ATP6V1H: variants seen among roughly 807,000 people sequenced by gnomAD.
The protein encoded by ATP6V1H is V-type proton ATPase subunit H.
A neutral mutation model predicts 71.7 loss-of-function variants in ATP6V1H; 39 were observed. That is an observed-to-expected ratio of 0.54 (90% confidence interval 0.42 to 0.71). The LOEUF is 0.71. Ranked by LOEUF, ATP6V1H falls within the 30% of genes least tolerant of loss-of-function variation. The pLI is 0.00. For missense variants in ATP6V1H, 509 were observed against 594.9 expected (o/e 0.86, Z 1.50); for synonymous variants, 192 against 199.3 (o/e 0.96, Z 0.31).
chr8:53,719,017 G>C (rs1469138635), intron 13 of ATP6V1H, among the ~76,000 whole-genome samples: 2 of 152,170 alleles, frequency 1.3e-5, no homozygotes, highest in Non-Finnish European at 2.9e-5. Flanking sequence ...TCTTGAAATT[G>C]TTGTTTGTTA....
chr8:53,786,315 G>A (rs1042806170), intron 9 of ATP6V1H, among the ~76,000 whole-genome samples: 19 of 152,294 alleles, frequency 1.2e-4, no homozygotes, highest in Admixed American at 7.2e-4. Flanking sequence ...TCGAGCCTCC[G>A]TGGGCACAGG....
chr8:53,794,078 G>C (rs932924851), intron 9 of ATP6V1H, among the ~76,000 whole-genome samples: 2 of 151,402 alleles, frequency 1.3e-5, no homozygotes, highest in African/African-American at 4.9e-5. Flanking sequence ...GCCATCAATA[G>C]AGCACTGGTT....
At chr8:53,819,987 C>T (rs1451842911) in intron 4 of ATP6V1H, among the ~76,000 whole-genome samples, 1 of 151,620 alleles carries the variant, frequency 6.6e-6, no homozygotes, top group Non-Finnish European at 1.5e-5. Flanking sequence ...GATAACAAGA[C>T]AGAGAATACA....
intron 12 of ATP6V1H, among the ~76,000 whole-genome samples, chr8:53,752,926 A>C (rs574067422): frequency 2.0e-5 from 3 of 152,210 alleles, no homozygotes; most frequent in Non-Finnish European, 4.4e-5. Flanking sequence ...CCAATACTTG[A>C]CATGAAAGAA....
At chr8:53,778,985 T>G (rs1808996455) in intron 9 of ATP6V1H, among the ~76,000 whole-genome samples, 1 of 152,154 alleles carries the variant, frequency 6.6e-6, no homozygotes, top group South Asian at 2.1e-4. Flanking sequence ...TGATACAAAG[T>G]CCAGTTCATC....
Position 53,813,217 on chromosome 8 carries a change from C to T in ATP6V1H, c.525+1445G>A, listed in dbSNP as rs190561915. ...CTCTTGTAAAAACGCTTTTTAAAACCGAGCCCCAAACCAGTTAAAATTGAT... is the reference window on the plus strand; with the variant it reads ...CTCTTGTAAAAACGCTTTTTAAAACTGAGCCCCAAACCAGTTAAAATTGAT... On this transcript the variant is annotated intron_variant, in intron 6 of 13. Transcript: ENST00000359530. 2.2e-3 allele frequency among the ~76,000 whole-genome samples: 337 copies of T among 152,048 alleles called. 2 individuals carry two copies. The highest frequency in any genetic ancestry group is 7.9e-3 in the African/African-American group (326 of 41,474).
At chr8:53,761,044 T>C (rs909786000) in intron 11 of ATP6V1H, among the ~76,000 whole-genome samples, 5 of 151,802 alleles carry the variant, frequency 3.3e-5, no homozygotes, top group African/African-American at 1.2e-4. Context: ...AAAAGAAAAA[T>C]ACCATATACT....
intron 4 of ATP6V1H, among the ~76,000 whole-genome samples, chr8:53,826,503 C>T (rs1420638100): frequency 1.3e-5 from 2 of 151,806 alleles, no homozygotes; most frequent in Non-Finnish European, 2.9e-5. Flanking sequence ...TATGAACTGA[C>T]ACGTAATGAT....
chr8:53,760,489 T>C (rs1430022411), intron 11 of ATP6V1H, among the ~76,000 whole-genome samples: 4 of 152,228 alleles, frequency 2.6e-5, no homozygotes, highest in Non-Finnish European at 5.9e-5. Flanking sequence ...TCCCAAGTCA[T>C]CCACTTGGCC....
At chr8:53,771,380 A>AAAGAAC (rs1431133391) in intron 10 of ATP6V1H, among the ~76,000 whole-genome samples, 6 of 152,204 alleles carry the variant, frequency 3.9e-5, no homozygotes, top group Admixed American at 3.9e-4. Flanking sequence ...CGAAACAGAA[A>AAAGAAC]AAGAACAAGA....
At chr8:53,833,194 G>A in intron 2 of ATP6V1H, 108 bp from the exon 3 acceptor site, 2 of 770,266 alleles carry the variant, frequency 2.6e-6, no homozygotes, top group Non-Finnish European at 4.3e-6. Context: ...AACCACAAGG[G>A]CTGACGCAAG....
chr8:53,811,231 A>C lies in ATP6V1H; in HGVS notation c.526-14T>G. ...ACCACGCAGTTTCTATTACGAAATA[A>C]ATAACTCATTATTTAGTTTTGTTTT... On this transcript the variant is annotated splice_polypyrimidine_tract_variant and intron_variant, in intron 6 of 13. Coordinates refer to ENST00000359530, the MANE Select transcript of ATP6V1H (RefSeq NM_015941.4). 3.7e-6 allele frequency: 6 copies of C among 1,611,060 alleles called. No homozygotes were observed. The highest frequency in any genetic ancestry group is 5.1e-6 in the Non-Finnish European group (6 of 1,177,532).
intron 9 of ATP6V1H, among the ~76,000 whole-genome samples, chr8:53,792,783 T>C (rs1809608714): frequency 6.6e-6 from 1 of 152,196 alleles, no homozygotes; most frequent in African/African-American, 2.4e-5. Flanking sequence ...AGGCAATGCA[T>C]AAAAATTACT....
chr8:53,767,022 G>A (rs999963256), intron 11 of ATP6V1H, among the ~76,000 whole-genome samples: 1 of 152,100 alleles, frequency 6.6e-6, no homozygotes, highest in African/African-American at 2.4e-5. Flanking sequence ...AAACTTGCTG[G>A]TTTTTGTGGC....
chr8:53,784,186 G>A (rs1256492314), intron 9 of ATP6V1H, among the ~76,000 whole-genome samples: 1 of 152,192 alleles, frequency 6.6e-6, no homozygotes, highest in Non-Finnish European at 1.5e-5. Flanking sequence ...AAGTCTCTTT[G>A]TAGGTCACTA....
At chr8:53,812,584 C>T (rs1332685453) in intron 6 of ATP6V1H, among the ~76,000 whole-genome samples, 3 of 152,190 alleles carry the variant, frequency 2.0e-5, no homozygotes, top group Non-Finnish European at 4.4e-5. Flanking sequence ...TAGCACGCCA[C>T]GGCATCCATT....
In ATP6V1H at chr8:53,785,118, T is replaced by C. The variant is rs569907880; in HGVS notation, c.870+10529A>G. Among the ~76,000 whole-genome samples, 4 of 152,288 alleles carry C rather than the reference T, an allele frequency of 2.6e-5. No individual in the cohort carries two copies. In the South Asian group the frequency reaches 6.2e-4, roughly 24 times the overall value. ...AGATTGGGGAAGTTCTCCTGGATAA[T>C]ATCCTGCAGAGTGTTTTCCAACTTG... On this transcript the variant is annotated intron_variant, in intron 9 of 13. Coordinates refer to ENST00000359530, the MANE Select transcript of ATP6V1H (RefSeq NM_015941.4).
In ATP6V1H at chr8:53,758,121, A is replaced by C. The variant is rs183585594; in HGVS notation, c.1176-1465T>G. On this transcript the variant is annotated intron_variant, in intron 11 of 13. Transcript: ENST00000359530. Reference sequence around the variant, plus strand: ...TTTTCATATATCTATTAATATTTTTAACATTTCAAACTATGTGTGTTTTTA... The same window carrying C: ...TTTTCATATATCTATTAATATTTTTCACATTTCAAACTATGTGTGTTTTTA... 6.5e-4 allele frequency among the ~76,000 whole-genome samples: 99 copies of C among 152,340 alleles called. 1 individual carries two copies. In the South Asian group the frequency reaches 0.012, roughly 19 times the overall value.
intron 9 of ATP6V1H, among the ~76,000 whole-genome samples, chr8:53,782,730 T>A (rs1809204001): frequency 1.3e-5 from 2 of 152,224 alleles, no homozygotes; most frequent in African/African-American, 4.8e-5. Context: ...ATACCTAATT[T>A]ATTGAGAGTT....
Sources: allele counts gnomAD v4.1 joint callset (sites outside exome capture counted in the v4.1 genomes callset), GRCh38; gene constraint gnomAD v4.1.1; transcripts MANE v1.5; gene names NCBI Gene and HGNC (gene_info 2026-07-23, HGNC 2026-07-21).